Variants in DMD observed in about 807,000 individuals in gnomAD.
The protein encoded by DMD is mutant dystrophin.
DMD carries 63 observed loss-of-function variants against 330.1 expected under a neutral mutation model. That is an observed-to-expected ratio of 0.19 (90% CI 0.16 to 0.24). DMD has a LOEUF of 0.24. Ranked by LOEUF, DMD falls within the 10% of genes least tolerant of loss-of-function variation. The pLI is 1.00. For synonymous variants in DMD, 1,223 were observed against 959.8 expected (o/e 1.27, Z -5.07); for missense variants, 3,344 against 2,684.1 (o/e 1.25, Z -5.43).
At chrX:31,881,609 AT>A (rs2094069790) in intron 47 of DMD, among the ~76,000 whole-genome samples, 1 of 111,506 alleles carries the variant, frequency 9.0e-6, no homozygotes, top group Non-Finnish European at 1.9e-5. Flanking sequence ...ATTTTTTATC[AT>A]TTGTATACTG....
chrX:32,625,225 C>A (rs2058270519), intron 11 of DMD, among the ~76,000 whole-genome samples: 1 of 111,779 alleles, frequency 8.9e-6, no homozygotes, highest in Non-Finnish European at 1.9e-5. Context: ...CCAGTGTTGT[C>A]CAGAACTTAC....
rs180700238 is a variant in DMD, at chrX:32,394,586, G to A, written c.4234-4405C>T. 5.0e-3 allele frequency among the ~76,000 whole-genome samples: 552 copies of A among 111,413 alleles called. 3 individuals are homozygous for A. Among genetic ancestry groups the A allele is most frequent in the African/African-American group, 0.017 (537 of 30,754 alleles). Reference sequence around the variant, plus strand: ...AAATATTTAGTTATAAGTTATCAGCGATATAACATGTCATTTCCTCGTAAG... The same window carrying A: ...AAATATTTAGTTATAAGTTATCAGCAATATAACATGTCATTTCCTCGTAAG... On this transcript the variant is annotated intron_variant, in intron 30 of 78. Transcript: ENST00000357033.
intron 44 of DMD, among the ~76,000 whole-genome samples, chrX:32,020,080 T>C (rs1379773271): frequency 1.8e-5 from 2 of 112,885 alleles, no homozygotes; most frequent in African/African-American, 6.4e-5. Flanking sequence ...GATCAGTGGA[T>C]TGAATCTGCT....
intron 52 of DMD, among the ~76,000 whole-genome samples, chrX:31,724,833 G>A (rs2085890984): frequency 8.9e-6 from 1 of 111,909 alleles, no homozygotes; most frequent in Non-Finnish European, 1.9e-5. Context: ...CATGACAGAT[G>A]AGAGAACCAC....
In DMD at chrX:32,925,145, G is replaced by GTTTT. The variant is rs777224221; in HGVS notation, c.94-75329_94-75326dup. The stretch of plus-strand genomic sequence containing the variant: ...TAAGTAGGTTTTTCAAAAACTCTGG[G>GTTTT]TTTTTTTTTTTTTTTTTTTTTTTTT... On this transcript the variant is annotated intron_variant, in intron 2 of 78. Coordinates refer to ENST00000357033, the MANE Select transcript of DMD (RefSeq NM_004006.3). Among the ~76,000 whole-genome samples, 71 of 48,455 alleles carry GTTTT rather than the reference G, an allele frequency of 1.5e-3. 1 individual carries two copies. The highest frequency in any genetic ancestry group is 3.7e-3 in the African/African-American group (46 of 12,474). The allele number at this position is 48,455 out of a possible 115,157, so 42.1% of individuals were successfully genotyped here. A position where few individuals can be genotyped will look rare whatever the true frequency, so the allele number is the denominator to read the frequency against.
chrX:31,498,283 C>T (rs1161787631), intron 56 of DMD, among the ~76,000 whole-genome samples: 1 of 111,689 alleles, frequency 9.0e-6, no homozygotes, highest in Non-Finnish European at 1.9e-5. Flanking sequence ...GAGGGAATTG[C>T]TTGAGAAATG....
intron 74 of DMD, among the ~76,000 whole-genome samples, chrX:31,159,572 G>A (rs983560231): frequency 1.8e-5 from 2 of 111,484 alleles, no homozygotes; most frequent in African/African-American, 6.5e-5. Flanking sequence ...TACATCAGGA[G>A]GTCCTTGGTC....
At chrX:32,723,543 G>C (rs762558149) in intron 7 of DMD, among the ~76,000 whole-genome samples, 1 of 111,214 alleles carries the variant, frequency 9.0e-6, no homozygotes, top group East Asian at 2.8e-4. Context: ...GTAGGTCAAA[G>C]GACACAAACT....
rs572897662 is a variant in DMD at position 31,854,484 on chromosome X, T to A, written c.7099-17665A>T. Among the ~76,000 whole-genome samples, 32 of 111,619 alleles carry A rather than the reference T, an allele frequency of 2.9e-4. No individual in the cohort carries two copies. The South Asian group carries it at 0.012, about 42-fold the overall frequency. ...TCTGCTATGCACTTAACATAAATCA[T>A]CTTAATTAATCTCAATCTCCATTGC... On this transcript the variant is annotated intron_variant, in intron 48 of 78. Coordinates refer to ENST00000357033, the MANE Select transcript of DMD (RefSeq NM_004006.3).
chrX:32,586,048 A>T (rs1283948593), intron 13 of DMD, among the ~76,000 whole-genome samples: 2 of 111,491 alleles, frequency 1.8e-5, no homozygotes, highest in African/African-American at 6.5e-5. Context: ...AATATTCAAC[A>T]TTTATTTATA....
At chrX:32,702,360 AG>A (rs1438485495) in intron 7 of DMD, among the ~76,000 whole-genome samples, 1 of 111,766 alleles carries the variant, frequency 8.9e-6, no homozygotes, top group Non-Finnish European at 1.9e-5. Flanking sequence ...GCTGGAAATG[AG>A]GGAATGGGGA....
chrX:31,250,738 T>C (rs1257807749), intron 63 of DMD, among the ~76,000 whole-genome samples: 2 of 111,440 alleles, frequency 1.8e-5, no homozygotes, highest in Non-Finnish European at 3.8e-5. Flanking sequence ...GAATGCATAC[T>C]TGTCAGTTTC....
At chrX:32,224,035 T>TC (rs963345101) in intron 43 of DMD, among the ~76,000 whole-genome samples, 1 of 111,604 alleles carries the variant, frequency 9.0e-6, no homozygotes, top group African/African-American at 3.2e-5. Flanking sequence ...CAAGAACTTT[T>TC]CCCATTTTTC....
intron 43 of DMD, among the ~76,000 whole-genome samples, chrX:32,228,099 C>T (rs1054965404): frequency 1.8e-5 from 2 of 111,168 alleles, no homozygotes; most frequent in African/African-American, 3.3e-5. Flanking sequence ...GGGAAAACAC[C>T]GTAAATATCC....
At chrX:32,542,466 T>A (rs895602583) in intron 17 of DMD, among the ~76,000 whole-genome samples, 3 of 111,620 alleles carry the variant, frequency 2.7e-5, no homozygotes, top group South Asian at 3.7e-4. Flanking sequence ...AAGAGATGGA[T>A]CTGTGTGATA....
At chrX:32,282,347 G>T (rs145415292) in intron 43 of DMD, among the ~76,000 whole-genome samples, 2 of 111,454 alleles carry the variant, frequency 1.8e-5, no homozygotes, top group Non-Finnish European at 3.8e-5. Context: ...TTTCCTATAG[G>T]TATATTTTAT....
At chrX:33,294,663 TG>T (rs1351390468) in intron 1 of DMD, among the ~76,000 whole-genome samples, 1 of 109,741 alleles carries the variant, frequency 9.1e-6, no homozygotes, top group Non-Finnish European at 1.9e-5. Flanking sequence ...TTTGCCAAAA[TG>T]TGTCAAATTT....
At chrX:33,235,714 G>T (rs2052465031) in intron 1 of DMD, among the ~76,000 whole-genome samples, 1 of 109,553 alleles carries the variant, frequency 9.1e-6, no homozygotes, top group Admixed American at 9.8e-5. Context: ...CTAGTCAATG[G>T]TAGATTTAAT....
At chrX:32,305,193 T>C (rs1445205242) in intron 42 of DMD, among the ~76,000 whole-genome samples, 2 of 111,823 alleles carry the variant, frequency 1.8e-5, no homozygotes, top group African/African-American at 6.5e-5. Context: ...GCAGTCACTT[T>C]GCTCATGGCA....
Sources: allele counts gnomAD v4.1 joint callset (sites outside exome capture counted in the v4.1 genomes callset), GRCh38; gene constraint gnomAD v4.1.1; transcripts MANE v1.5; gene names NCBI Gene and HGNC (gene_info 2026-07-23, HGNC 2026-07-21).